Variants in OTOGL observed in about 807,000 individuals in gnomAD.
The protein encoded by OTOGL is otogelin like.
In OTOGL, 285 loss-of-function variants were observed where a neutral mutation model predicts 318.5. The observed-to-expected ratio is 0.89, with a 90% confidence interval of 0.81 to 0.99. The LOEUF (loss-of-function observed/expected upper bound fraction) is 0.99. Ranked by LOEUF, OTOGL falls within the 50% of genes least tolerant of loss-of-function variation. The probability of loss-of-function intolerance (pLI) is 0.00; values close to 1 mark genes in which losing one functional copy is unlikely to be tolerated. For missense variants in OTOGL, 2,899 were observed against 2,845.6 expected, an observed-to-expected ratio of 1.02 and a Z score of -0.43; for synonymous variants, 987 against 936.5, an observed-to-expected ratio of 1.05 and a Z score of -0.99.
chr12:80,107,739 T>C (rs528018654), intron 1 of OTOGL, among the ~76,000 whole-genome samples: 1 of 152,090 alleles, frequency 6.6e-6, no homozygotes, highest in Middle Eastern at 3.4e-3. Context: ...GAAAATATGA[T>C]ACATATACAC....
In OTOGL at chr12:80,353,440, CTG is replaced by C. The variant is rs749454111; in HGVS notation, c.5530_5531del (p.Cys1844GlnfsTer24). 6.2e-7 allele frequency: 1 copy of C among 1,604,132 alleles called. No homozygotes were observed. The highest frequency in any genetic ancestry group is 8.5e-7 in the Non-Finnish European group (1 of 1,174,790). On this transcript the variant is annotated frameshift_variant, in exon 46 of 59. Transcript: ENST00000547103. LOFTEE classifies it high-confidence loss of function. ...CTTCCTGTTTGAATCTAAGAGAAGA[CTG>C]TGTGTGCAAAGTTGGAACTATTCTT... ...HTSCLNLRED[C>X]VCKVGTILHR...
chr12:80,190,804 A>T (rs1486632301), intron 1 of OTOGL, among the ~76,000 whole-genome samples: 1 of 150,458 alleles, frequency 6.6e-6, no homozygotes, highest in Non-Finnish European at 1.5e-5. Flanking sequence ...AAAAAAAAAA[A>T]AAAAAAAAAA....
intron 58 of OTOGL, among the ~76,000 whole-genome samples, 162 bp from the exon 59 acceptor site, chr12:80,377,686 T>A (rs1322147767): frequency 6.6e-6 from 1 of 152,168 alleles, no homozygotes; most frequent in Non-Finnish European, 1.5e-5. Context: ...CTTATGTGAC[T>A]GATGTTTCAT....
intron 1 of OTOGL, among the ~76,000 whole-genome samples, chr12:80,150,379 G>T (rs746307767): frequency 6.6e-6 from 1 of 152,218 alleles, no homozygotes; most frequent in Non-Finnish European, 1.5e-5. Context: ...AGATAAAGCT[G>T]TTCAAAAGAA....
intron 1 of OTOGL, among the ~76,000 whole-genome samples, chr12:80,128,746 C>T (rs557733794): frequency 5.9e-5 from 9 of 152,298 alleles, no homozygotes; most frequent in African/African-American, 2.2e-4. Flanking sequence ...ATGTCGGGCA[C>T]CCGTCCCCCA....
rs1454318675 is a variant in OTOGL at position 80,270,095 on chromosome 12, C to G, written c.2466-7C>G. On this transcript the variant is annotated splice_region_variant and splice_polypyrimidine_tract_variant and intron_variant, in intron 22 of 58. Transcript: ENST00000547103. ...GTTCCATAAATTAACTATTTATTTA[C>G]TTCTAGCCAGTGTTCAAATGGGACT... is the stretch of plus-strand genomic sequence containing the variant. 1 of 1,585,638 alleles carries G rather than the reference C, an allele frequency of 6.3e-7. No individual in the cohort carries two copies. Among genetic ancestry groups the G allele is most frequent in the Non-Finnish European group, 8.6e-7 (1 of 1,157,482 alleles).
At chr12:80,180,092 G>A (rs1190156114) in intron 1 of OTOGL, among the ~76,000 whole-genome samples, 3 of 152,160 alleles carry the variant, frequency 2.0e-5, no homozygotes, top group Non-Finnish European at 2.9e-5. Flanking sequence ...TGGTGGCCAC[G>A]ATGAACCTGC....
rs1474790749 is a variant in OTOGL at position 80,266,505 on chromosome 12, A to G, written c.2279A>G (p.His760Arg). The G allele has an allele frequency of 1.2e-6, 2 of 1,613,606 alleles. No individual in the cohort carries two copies. Among genetic ancestry groups the G allele is most frequent in the South Asian group, 2.2e-5 (2 of 91,064 alleles). Residue 760 changes from histidine to arginine, a missense_variant, in exon 21 of 59, where the codon CAT becomes CGT. Transcript: ENST00000547103. ...LYHHCSSFCL[H>R]SCISLSSPEQ... ...CATCACTGTTCCTCGTTCTGCCTCC[A>G]TTCCTGCATTTCTCTCTCTTCCCCG...
At chr12:80,370,811 T>C in intron 56 of OTOGL, 122 bp downstream of exon 56, 1 of 705,920 alleles carries the variant, frequency 1.4e-6, no homozygotes, top group East Asian at 3.4e-5. Flanking sequence ...GTTATTTTCA[T>C]GAATGAATAA....
At chr12:80,147,229 C>T (rs9737683) in intron 1 of OTOGL, among the ~76,000 whole-genome samples, 62,363 of 148,022 alleles carry the variant, frequency 0.42, 13,166 homozygotes, top group East Asian at 0.49. Context: ...GCTTTGAATG[C>T]GTCCCAGAGA....
At chr12:80,353,644 T>C (rs1242193714) in intron 46 of OTOGL, 134 bp downstream of exon 46, 2 of 735,328 alleles carry the variant, frequency 2.7e-6, no homozygotes, top group African/African-American at 3.6e-5. Context: ...AGTTTGTTTG[T>C]AGTTTGATTT....
At chr12:80,337,043 G>A in intron 42 of OTOGL, 39 bp downstream of exon 42, 1 of 1,403,778 alleles carries the variant, frequency 7.1e-7, no homozygotes, top group Non-Finnish European at 9.8e-7. Context: ...CACATTAGAT[G>A]AAAATAAATT....
chr12:80,156,380 C>T (rs11831891), intron 1 of OTOGL, among the ~76,000 whole-genome samples: 9,909 of 152,200 alleles, frequency 0.065, 1,018 homozygotes, highest in African/African-American at 0.22. Flanking sequence ...CTTGTGGTCA[C>T]GTGAGTCAAT....
At chr12:80,112,360 G>A (rs1225748976) in intron 1 of OTOGL, among the ~76,000 whole-genome samples, 2 of 152,180 alleles carry the variant, frequency 1.3e-5, no homozygotes, top group Non-Finnish European at 2.9e-5. Context: ...TGCCCATTCG[G>A]TATGGTATTG....
intron 7 of OTOGL, among the ~76,000 whole-genome samples, chr12:80,228,712 T>A (rs992740295): frequency 2.0e-5 from 3 of 152,216 alleles, no homozygotes; most frequent in Admixed American, 2.0e-4. Flanking sequence ...CTTCTTTTCT[T>A]CCTTTCATTC....
chr12:80,344,902 ATATC>A lies in OTOGL; in HGVS notation c.5265+2742_5265+2745del, dbSNP rs1889062290. ...AATTTTTTTAAGTGTTATAGTTTGA[ATATC>A]TTTCAACAAAAGAAAGTTAATTTGC... On this transcript the variant is annotated intron_variant, in intron 44 of 58. Transcript: ENST00000547103. Among the ~76,000 whole-genome samples the A allele has an allele frequency of 2.7e-5, 4 of 150,000 alleles. No individual in the cohort carries two copies. The South Asian group carries it at 8.3e-4, about 31-fold the overall frequency.
chr12:80,262,105 A>C lies in OTOGL; in HGVS notation c.2014+12A>C, dbSNP rs1332791660. The C allele has an allele frequency of 6.3e-7, 1 of 1,599,794 alleles. No individual in the cohort carries two copies. ...CAATCAACAAAACAGTAAGTTTTGC[A>C]TGTAAACTTCCTTTCTGCTGTAAAC... On this transcript the variant is annotated intron_variant, in intron 19 of 58. Coordinates refer to ENST00000547103, the MANE Select transcript of OTOGL (RefSeq NM_001378609.3).
chr12:80,358,991 T>A, intron 52 of OTOGL, 91 bp downstream of exon 52: 1 of 1,058,464 alleles, frequency 9.4e-7, no homozygotes, highest in Non-Finnish European at 1.3e-6. Flanking sequence ...CTTCTTAGAG[T>A]TAATAAAATT....
At chr12:80,366,289 A>C (rs1890523988) in intron 52 of OTOGL, 1 of 451,660 alleles carries the variant, frequency 2.2e-6, no homozygotes, top group African/African-American at 2.0e-5. Context: ...AGATGCAGAC[A>C]TCAGAACCCT....
Sources: gnomAD v4.1 joint callset for allele counts (sites outside exome capture counted in the v4.1 genomes callset) on GRCh38, gnomAD v4.1.1 for gene constraint, MANE v1.5 for transcripts, NCBI Gene and HGNC (gene_info 2026-07-23, HGNC 2026-07-21) for gene names.